The following UGT3A1 variants were observed in gnomAD, a reference collection of about 807,000 sequenced individuals.
The protein encoded by UGT3A1 is UDP glycosyltransferase family 3 member A1.
Under a neutral mutation model 37.6 loss-of-function variants are expected in UGT3A1, and 40 were observed. That is an observed-to-expected ratio of 1.06 (90% CI 0.83 to 1.38). The LOEUF is 1.38. Among genes scored for constraint, UGT3A1 ranks in the 40% most tolerant of loss-of-function variants. The pLI is 0.00. For missense variants in UGT3A1, 642 were observed against 634.2 expected, an observed-to-expected ratio of 1.01 and a Z score of -0.13; for synonymous variants, 256 against 232.3, an observed-to-expected ratio of 1.10 and a Z score of -0.93.
intron 4 of UGT3A1, chr5:35,962,979 C>T (rs1321069431): frequency 1.4e-6 from 1 of 701,868 alleles, no homozygotes; most frequent in South Asian, 1.5e-5. Flanking sequence ...AGAGGTGTCC[C>T]TCATTTCCCT....
At chr5:35,974,060 C>T (rs915844885) in intron 2 of UGT3A1, among the ~76,000 whole-genome samples, 7 of 152,120 alleles carry the variant, frequency 4.6e-5, no homozygotes, top group African/African-American at 1.7e-4. Context: ...TTTATGGACA[C>T]AGAAGCCCTG....
At chr5:35,970,770 A>T (rs775237834) in intron 2 of UGT3A1, among the ~76,000 whole-genome samples, 3 of 152,208 alleles carry the variant, frequency 2.0e-5, no homozygotes, top group Non-Finnish European at 2.9e-5. Context: ...ATTAAATTCC[A>T]TTATGAAAGA....
At chr5:35,990,592 T>G (rs1740904768) in intron 1 of UGT3A1, among the ~76,000 whole-genome samples, 2 of 151,968 alleles carry the variant, frequency 1.3e-5, no homozygotes, top group South Asian at 4.2e-4. Flanking sequence ...CCTGGGCAGT[T>G]CTCCAGGTTT....
At chr5:35,962,514 G>T (rs1739627449) in intron 4 of UGT3A1, 1 of 178,212 alleles carries the variant, frequency 5.6e-6, no homozygotes, top group Non-Finnish European at 1.2e-5. Flanking sequence ...GAGTGCCTCT[G>T]GGATTTGTTT....
rs1244786376 is a variant in UGT3A1, at chr5:35,951,486, G to A, written c.*2716C>T. The A allele has an allele frequency of 6.6e-6, 1 of 151,928 alleles. No individual in the cohort carries two copies. Among genetic ancestry groups the A allele is most frequent in the East Asian group, 1.9e-4 (1 of 5,196 alleles). The allele number at this position is 151,928 out of a possible 1,614,324, so 9.4% of individuals were successfully genotyped here. On this transcript the variant is annotated 3_prime_UTR_variant, in exon 7 of 7. Transcript: ENST00000274278. The stretch of plus-strand genomic sequence containing the variant: ...CCATATTGGAATTTGCTCCATATTA[G>A]CTTATTCTGCTTTTGTTTATTGTAG...
In UGT3A1 at chr5:35,955,826, G is replaced by T; in HGVS notation, c.1114C>A (p.Gln372Lys). The T allele has an allele frequency of 6.2e-7, 1 of 1,614,200 alleles. No homozygotes were observed. The highest frequency in any genetic ancestry group is 8.5e-7 in the Non-Finnish European group (1 of 1,180,036). Residue 372 changes from glutamine to lysine, a missense_variant, in exon 6 of 7, where the codon CAG becomes AAG. Transcript: ENST00000274278. Reference protein sequence around the residue: ...SIRLFVTHGGQNSVMEAIRHG... With the variant: ...SIRLFVTHGGKNSVMEAIRHG... ...CGGATGGCCTCCATTACGCTGTTCT[G>T]CCCACCATGAGTGACAAAAAGACGG...
intron 2 of UGT3A1, among the ~76,000 whole-genome samples, chr5:35,968,370 T>G (rs1044452644): frequency 1.6e-4 from 25 of 152,214 alleles, no homozygotes; most frequent in African/African-American, 5.5e-4. Flanking sequence ...AAGTTTCCAC[T>G]TAAAGCTTTC....
chr5:35,986,420 C>A (rs529289392), intron 2 of UGT3A1, among the ~76,000 whole-genome samples: 1 of 152,188 alleles, frequency 6.6e-6, no homozygotes, highest in Non-Finnish European at 1.5e-5. Flanking sequence ...AAGCAATCAA[C>A]CTTAGTGCAC....
chr5:35,981,164 T>G (rs538292245), intron 2 of UGT3A1, among the ~76,000 whole-genome samples: 1 of 152,064 alleles, frequency 6.6e-6, no homozygotes, highest in Non-Finnish European at 1.5e-5. Context: ...AAAACTGTCT[T>G]AAAGAAAGAA....
intron 4 of UGT3A1, chr5:35,962,663 A>C: frequency 1.8e-6 from 1 of 544,930 alleles, no homozygotes; most frequent in Non-Finnish European, 3.3e-6. Flanking sequence ...GCCTCAGGCC[A>C]TTCGTCCTCA....
chr5:35,991,439 G>C, upstream of UGT3A1: 2 of 1,430,138 alleles, frequency 1.4e-6, no homozygotes, highest in South Asian at 3.0e-5. Flanking sequence ...ATGCTCCATG[G>C]GATAATCTGC....
At chr5:35,999,257 A>G (rs973833879) in intron 1 of UGT3A1, among the ~76,000 whole-genome samples, 1 of 145,398 alleles carries the variant, frequency 6.9e-6, no homozygotes, top group Non-Finnish European at 1.5e-5. Flanking sequence ...AAAAAAATGT[A>G]CAATAAGTGT....
At chr5:35,958,935 G>T (rs1739464924) in intron 4 of UGT3A1, among the ~76,000 whole-genome samples, 1 of 152,234 alleles carries the variant, frequency 6.6e-6, no homozygotes, top group South Asian at 2.1e-4. Context: ...AGAAGTCATA[G>T]AAAGCAGTGG....
At chr5:35,967,923 A>G (rs1447017634) in intron 3 of UGT3A1, 96 bp downstream of exon 3, 1 of 919,888 alleles carries the variant, frequency 1.1e-6, no homozygotes, top group Non-Finnish European at 1.7e-6. Context: ...CCACCCATCT[A>G]TTTCTCTAAA....
At chr5:35,964,807 G>A (rs943930645) in intron 4 of UGT3A1, among the ~76,000 whole-genome samples, 1 of 152,160 alleles carries the variant, frequency 6.6e-6, no homozygotes, top group Non-Finnish European at 1.5e-5. Flanking sequence ...CTGAGTCTGC[G>A]CTGTTTGAAT....
In UGT3A1 at chr5:35,964,065, T is replaced by A. The variant is rs1739697989; in HGVS notation, c.843+1321A>T. Among the ~76,000 whole-genome samples the A allele has an allele frequency of 1.3e-5, 2 of 149,138 alleles. 1 individual carries two copies. Among genetic ancestry groups the A allele is most frequent in the Non-Finnish European group, 3.0e-5 (2 of 67,570 alleles). ...TAGTTGCACAACAATATAAGTGTAC[T>A]CAATGCCACTGAAGCATACCCTTAA... On this transcript the variant is annotated intron_variant, in intron 4 of 6. Transcript: ENST00000274278.
intron 1 of UGT3A1, among the ~76,000 whole-genome samples, chr5:35,997,855 CA>C (rs1409199593): frequency 1.3e-5 from 2 of 152,216 alleles, no homozygotes; most frequent in African/African-American, 4.8e-5. Context: ...CATCAAGGGA[CA>C]CAAAGTGTCC....
chr5:35,986,590 A>G (rs995164830), intron 2 of UGT3A1, among the ~76,000 whole-genome samples: 1 of 152,132 alleles, frequency 6.6e-6, no homozygotes, highest in South Asian at 2.1e-4. Flanking sequence ...AAAATATCCA[A>G]TGTTCTCACC....
chr5:35,957,293 G>A lies in UGT3A1; in HGVS notation c.970C>T (p.Pro324Ser). 3.1e-6 allele frequency: 5 copies of A among 1,614,148 alleles called. No homozygotes were observed. The highest frequency in any genetic ancestry group is 4.2e-6 in the Non-Finnish European group (5 of 1,180,026). Reference protein sequence around the residue: ...KKMHNAFAHLPQGVIWTCQSS... With the variant: ...KKMHNAFAHLSQGVIWTCQSS... ...TGACATGTCCATATCACTCCTTGAG[G>A]GAGGTGGGCAAAGGCATTGTGCATC... Residue 324 changes from proline (P) to serine (S), a missense_variant, in exon 5 of 7, where the codon CCT (proline) becomes TCT (serine). Transcript: ENST00000274278.
Sources: gnomAD v4.1 joint callset for allele counts (sites outside exome capture counted in the v4.1 genomes callset) on GRCh38, gnomAD v4.1.1 for gene constraint, MANE v1.5 for transcripts, NCBI Gene and HGNC (gene_info 2026-07-23, HGNC 2026-07-21) for gene names.